The following FUT8 variants were observed in gnomAD, a reference collection of about 807,000 sequenced individuals.
FUT8 encodes fucosyltransferase 8.
In FUT8, 29 loss-of-function variants were observed where a neutral mutation model predicts 71.3. That is an observed-to-expected ratio of 0.41 (90% CI 0.30 to 0.55). The LOEUF is 0.55. FUT8 is among the 20% of genes least tolerant of loss of function. The pLI, the probability that FUT8 is intolerant of heterozygous loss-of-function variation, is 0.34. For synonymous variants in FUT8, 254 were observed against 239.3 expected, an observed-to-expected ratio of 1.06 and a Z score of -0.57; for missense variants, 544 against 702.1, an observed-to-expected ratio of 0.77 and a Z score of 2.55.
At chr14:65,514,946 A>G (rs901372399) in intron 2 of FUT8, among the ~76,000 whole-genome samples, 5 of 152,200 alleles carry the variant, frequency 3.3e-5, no homozygotes, top group Non-Finnish European at 5.9e-5. Context: ...CCTCTTTGGC[A>G]TGCAACTTTG....
chr14:65,503,600 T>A (rs150659247), intron 2 of FUT8, among the ~76,000 whole-genome samples: 38 of 152,292 alleles, frequency 2.5e-4, no homozygotes, highest in Non-Finnish European at 3.8e-4. Context: ...AGAAAGGTAA[T>A]CTTTCATTTG....
chr14:65,680,211 T>C (rs1053343008), intron 7 of FUT8, among the ~76,000 whole-genome samples: 1 of 152,240 alleles, frequency 6.6e-6, no homozygotes, highest in Non-Finnish European at 1.5e-5. Context: ...GCTAGAGGGC[T>C]GATGGTGTAA....
chr14:65,375,716 G>A, the FUT8 span, among the ~76,000 whole-genome samples: 6 of 152,252 alleles, frequency 3.9e-5, no homozygotes, highest in African/African-American at 1.4e-4. Context: ...TAGCAAGTAA[G>A]TAGTGTCACT....
chr14:65,411,686 T>A (rs2065125371), upstream of FUT8: 2 of 265,058 alleles, frequency 7.5e-6, no homozygotes, highest in Admixed American at 1.0e-4. Flanking sequence ...GATTCTTGTC[T>A]TAAGGGCACC....
chr14:65,444,411 G>C (rs982934648), intron 1 of FUT8, among the ~76,000 whole-genome samples: 1 of 152,146 alleles, frequency 6.6e-6, no homozygotes, highest in Non-Finnish European at 1.5e-5. Flanking sequence ...TTCTTATAAA[G>C]TTACCATATG....
chr14:65,427,113 T>C (rs1242271595), intron 1 of FUT8, among the ~76,000 whole-genome samples: 1 of 152,132 alleles, frequency 6.6e-6, no homozygotes, highest in Non-Finnish European at 1.5e-5. Context: ...CCGCCCGCCT[T>C]GGCCTCCTGA....
intron 3 of FUT8, among the ~76,000 whole-genome samples, chr14:65,575,567 CTTTCCTTCCTTCCTT>C (rs1280761287): frequency 1.1e-3 from 3 of 2,610 alleles, no homozygotes; most frequent in Non-Finnish European, 3.1e-3. Flanking sequence ...TCCCTCCCTT[CTTTCCTTCCTTCCTT>C]CTTCCTTCCT....
intron 7 of FUT8, among the ~76,000 whole-genome samples, chr14:65,682,981 G>A (rs898743562): frequency 1.3e-4 from 19 of 151,486 alleles, no homozygotes; most frequent in African/African-American, 4.4e-4. Context: ...TGGCAAAACT[G>A]AAAACCAATG....
chr14:65,572,230 C>T (rs1408187819), intron 3 of FUT8, among the ~76,000 whole-genome samples: 1 of 152,082 alleles, frequency 6.6e-6, no homozygotes, highest in Admixed American at 6.6e-5. Context: ...CTTAGCATCT[C>T]GATTGTCCTA....
At chr14:65,462,480 C>T (rs750328190) in intron 2 of FUT8, among the ~76,000 whole-genome samples, 13 of 152,126 alleles carry the variant, frequency 8.5e-5, no homozygotes, top group Non-Finnish European at 1.3e-4. Flanking sequence ...TCATTGCCCA[C>T]GTTTGTCTGT....
At chr14:65,446,951 G>A (rs533419475) in intron 1 of FUT8, among the ~76,000 whole-genome samples, 14 of 152,056 alleles carry the variant, frequency 9.2e-5, no homozygotes, top group African/African-American at 2.7e-4. Context: ...CTACAGGCAC[G>A]TACCACCACA....
chr14:65,575,651 C>G (rs1247470794), intron 3 of FUT8, among the ~76,000 whole-genome samples: 2 of 145,032 alleles, frequency 1.4e-5, no homozygotes, highest in Non-Finnish European at 3.0e-5. Flanking sequence ...CACACTCTTG[C>G]TCTGTCCCCC....
At chr14:65,398,735 AAAAAACAAAGAAAC>A in the FUT8 span, among the ~76,000 whole-genome samples, 32 of 152,124 alleles carry the variant, frequency 2.1e-4, 1 homozygote, top group Admixed American at 1.6e-3. Context: ...TCTCAAAAAA[AAAAAACAAAGAAAC>A]AAAAACAAAG....
chr14:65,536,831 C>G (rs1301201678), intron 2 of FUT8, among the ~76,000 whole-genome samples: 1 of 152,180 alleles, frequency 6.6e-6, no homozygotes, highest in Non-Finnish European at 1.5e-5. Context: ...TGATGGTATC[C>G]TGAAAAGTGT....
intron 1 of FUT8, among the ~76,000 whole-genome samples, chr14:65,448,079 C>T (rs956620010): frequency 6.6e-6 from 1 of 152,168 alleles, no homozygotes; most frequent in Admixed American, 6.5e-5. Flanking sequence ...CATAAGACCC[C>T]TGACCTGTTG....
Position 65,470,800 on chromosome 14 carries a change from T to G in FUT8, c.-228+15082T>G, listed in dbSNP as rs553519613. On this transcript the variant is annotated intron_variant, in intron 2 of 10. Coordinates refer to ENST00000673929, the MANE Select transcript of FUT8 (RefSeq NM_001371533.1). ...CCCTGAAGTGGGCACCGCTCCCACT[T>G]CCTGCCTCAGGCCCCTGAAGCTCAG... 5.9e-5 allele frequency among the ~76,000 whole-genome samples: 9 copies of G among 152,016 alleles called. No homozygotes were observed. The East Asian group carries it at 1.6e-3, about 26-fold the overall frequency.
chr14:65,564,329 G>T (rs1886074375), intron 3 of FUT8, among the ~76,000 whole-genome samples: 1 of 152,008 alleles, frequency 6.6e-6, no homozygotes, highest in African/African-American at 2.4e-5. Flanking sequence ...CAACACAAAA[G>T]CTTGAAACTA....
chr14:65,724,483 CA>C (rs1257020014), intron 9 of FUT8, among the ~76,000 whole-genome samples, 160 bp downstream of exon 9: 1 of 152,260 alleles, frequency 6.6e-6, no homozygotes, highest in African/African-American at 2.4e-5. Context: ...TCAGTCTAAT[CA>C]AAGTGTTTTT....
chr14:65,629,111 T>C (rs914729852), intron 5 of FUT8, among the ~76,000 whole-genome samples: 11 of 152,212 alleles, frequency 7.2e-5, no homozygotes, highest in Non-Finnish European at 1.5e-4. Context: ...GGGCATGAAA[T>C]GATAGTAGAG....
Sources: allele counts gnomAD v4.1 joint callset (sites outside exome capture counted in the v4.1 genomes callset), GRCh38; gene constraint gnomAD v4.1.1; transcripts MANE v1.5; gene names NCBI Gene and HGNC (gene_info 2026-07-23, HGNC 2026-07-21).